WDR88: variants seen among roughly 807,000 people sequenced by gnomAD.
The protein encoded by WDR88 is WD repeat domain 88, also known as WD repeat-containing protein 88.
Under a neutral mutation model 46.8 loss-of-function variants are expected in WDR88, and 40 were observed. The observed-to-expected ratio is 0.86, with a 90% CI of 0.66 to 1.11. The LOEUF (loss-of-function observed/expected upper bound fraction) is 1.11, where lower values mean the gene tolerates loss of function less well. Among genes scored for constraint, WDR88 ranks in the 50% most tolerant of loss-of-function variants. The probability of loss-of-function intolerance (pLI) is 0.00; values close to 1 mark genes in which losing one functional copy is unlikely to be tolerated. For synonymous variants in WDR88, 235 were observed against 240.7 expected, an observed-to-expected ratio of 0.98 and a Z score of 0.22; for missense variants, 562 against 602.4, an observed-to-expected ratio of 0.93 and a Z score of 0.70.
rs200509982 is a variant in WDR88, at chr19:33,166,224, G to A, written c.1149+1959G>A. Among the ~76,000 whole-genome samples, 4 of 143,266 alleles carry A rather than the reference G, an allele frequency of 2.8e-5. No individual in the cohort carries two copies. The East Asian group carries it at 8.7e-4, about 31-fold the overall frequency. The allele number at this position is 143,266 out of a possible 152,430, so 94.0% of individuals were successfully genotyped here. On this transcript the variant is annotated intron_variant, in intron 9 of 10. Coordinates refer to ENST00000355868, the MANE Select transcript of WDR88 (RefSeq NM_173479.4). The stretch of plus-strand genomic sequence containing the variant: ...GCCTGGGAGGTCGAGGCTGCAGTGA[G>A]TCATGATGGCATCACTGCACTCCAG...
chr19:33,163,115 C>T (rs1304426700), intron 8 of WDR88, among the ~76,000 whole-genome samples: 2 of 152,062 alleles, frequency 1.3e-5, no homozygotes, highest in East Asian at 1.9e-4. Flanking sequence ...AGGCAGATCA[C>T]GAAGTCAGAA....
chr19:33,157,980 C>T (rs1973794388), intron 7 of WDR88, among the ~76,000 whole-genome samples: 1 of 151,816 alleles, frequency 6.6e-6, no homozygotes, highest in African/African-American at 2.4e-5. Context: ...GGGTCAGAAC[C>T]CCCTGATGCA....
intron 6 of WDR88, 110 bp from the exon 7 acceptor site, chr19:33,156,245 G>T (rs1325038652): frequency 4.4e-6 from 5 of 1,147,674 alleles, no homozygotes; most frequent in Non-Finnish European, 5.0e-6. Flanking sequence ...GTGCTAGCAT[G>T]TGCAGCCCGA....
intron 10 of WDR88, chr19:33,174,809 ATGGCAGGAGACATGAGC>A (rs552053116): frequency 0.016 from 15,575 of 985,210 alleles, 211 homozygotes; most frequent in African/African-American, 0.019. Context: ...CAGGACCCCC[ATGGCAGGAGACATGAGC>A]TGGCAGGAGA....
At chr19:33,137,288 C>G (rs1476015005) in intron 1 of WDR88, among the ~76,000 whole-genome samples, 1 of 146,288 alleles carries the variant, frequency 6.8e-6, no homozygotes, top group Non-Finnish European at 1.5e-5. Context: ...GAATCTCACT[C>G]TGTCACCCAG....
In WDR88 at chr19:33,154,165, G is replaced by GTTTA. The variant is rs200734545; in HGVS notation, c.810-2172_810-2169dup. Among the ~76,000 whole-genome samples, 1,076 of 151,992 alleles carry GTTTA rather than the reference G, an allele frequency of 7.1e-3. 10 individuals are homozygous for GTTTA. The highest frequency in any genetic ancestry group is 0.024 in the African/African-American group (995 of 41,458). On this transcript the variant is annotated intron_variant, in intron 6 of 10. Transcript: ENST00000355868. ...ATGAGAGTCCATAGAGATACCTCTGGTTTATTTATTTATTTATTTATGTAT... is the reference window on the plus strand; with the variant it reads ...ATGAGAGTCCATAGAGATACCTCTGGTTTATTTATTTATTTATTTATTTATGTAT...
At chr19:33,135,280 T>C (rs986262421) in intron 1 of WDR88, among the ~76,000 whole-genome samples, 25 of 152,204 alleles carry the variant, frequency 1.6e-4, no homozygotes, top group African/African-American at 6.0e-4. Flanking sequence ...TTTATAGCGA[T>C]AGAATCAAGC....
In WDR88 at chr19:33,156,458, G is replaced by C. The variant is rs201210259; in HGVS notation, c.913G>C (p.Gly305Arg). The part of the protein sequence containing the change: ...KNLKIWNVHT[G>R]EFRNCGACVT... The stretch of plus-strand genomic sequence containing the variant: ...CTTAAAAATATGGAACGTCCACACA[G>C]GGGAGTTTCGAAACTGTGGAGCCTG... Residue 305 changes from glycine (G) to arginine (R), a missense_variant, in exon 7 of 11, where the codon GGG (glycine) becomes CGG (arginine). Physicochemically the swap from Gly to Arg is moderately radical, Grantham distance 125. Transcript: ENST00000355868. 99 of 1,614,160 alleles carry C rather than the reference G, an allele frequency of 6.1e-5. No individual in the cohort carries two copies. The highest frequency in any genetic ancestry group is 8.3e-5 in the Non-Finnish European group (98 of 1,180,014).
At chr19:33,162,382 A>G (rs1025058654) in intron 8 of WDR88, among the ~76,000 whole-genome samples, 1 of 150,548 alleles carries the variant, frequency 6.6e-6, no homozygotes, top group African/African-American at 2.4e-5. Flanking sequence ...TTTTTTTTAA[A>G]TTTTTATTTT....
At chr19:33,156,719 G>C (rs980633519) in intron 7 of WDR88, among the ~76,000 whole-genome samples, 177 bp downstream of exon 7, 2 of 152,138 alleles carry the variant, frequency 1.3e-5, no homozygotes, top group Admixed American at 1.3e-4. Flanking sequence ...GTTTACAGTG[G>C]TAGAAACTCA....
intron 2 of WDR88, among the ~76,000 whole-genome samples, chr19:33,141,696 T>C (rs1393183066): frequency 6.6e-6 from 1 of 152,212 alleles, no homozygotes; most frequent in Non-Finnish European, 1.5e-5. Context: ...GTTTGTTTTT[T>C]TGAGATGGCG....
chr19:33,159,148 T>G (rs1384714023), intron 7 of WDR88, among the ~76,000 whole-genome samples: 1 of 150,584 alleles, frequency 6.6e-6, no homozygotes, highest in Non-Finnish European at 1.5e-5. Context: ...CTGGGCAACA[T>G]AGTGAGACCC....
chr19:33,152,767 A>G (rs8113390), intron 6 of WDR88, among the ~76,000 whole-genome samples: 19,488 of 151,872 alleles, frequency 0.13, 2,812 homozygotes, highest in African/African-American at 0.36. Context: ...ACACCTGGCT[A>G]ATTTCTGTAT....
chr19:33,173,002 G>A (rs987051207), intron 10 of WDR88, among the ~76,000 whole-genome samples: 2 of 139,956 alleles, frequency 1.4e-5, no homozygotes, highest in African/African-American at 5.3e-5. Context: ...TAAGGCAGGA[G>A]AATCCCTTGA....
At chr19:33,160,332 G>T in intron 7 of WDR88, 82 bp from the exon 8 acceptor site, 1 of 1,425,886 alleles carries the variant, frequency 7.0e-7, no homozygotes, top group Non-Finnish European at 9.9e-7. Context: ...GTGGTGCCTC[G>T]CCAAGGCATC....
At chr19:33,173,837 C>G (rs1974080156) in intron 10 of WDR88, among the ~76,000 whole-genome samples, 1 of 152,076 alleles carries the variant, frequency 6.6e-6, no homozygotes, top group African/African-American at 2.4e-5. Context: ...GGTAAAGGAT[C>G]AAATTTCCTT....
chr19:33,135,024 C>A (rs1272562403), intron 1 of WDR88, among the ~76,000 whole-genome samples: 1 of 129,610 alleles, frequency 7.7e-6, no homozygotes. Context: ...CAACCTGGGA[C>A]GTGTCGCCAT....
rs1360086914 is a variant in WDR88, at chr19:33,132,328, C to G, written c.159C>G (p.His53Gln). The G allele has an allele frequency of 1.2e-5, 19 of 1,614,012 alleles. No homozygotes were observed. Among genetic ancestry groups the G allele is most frequent in the Non-Finnish European group, 1.5e-5 (18 of 1,180,028 alleles). Residue 53 changes from histidine (H) to glutamine (Q), a missense_variant, in exon 1 of 11, where the codon CAC (histidine) becomes CAG (glutamine). By Grantham distance (24) the His-to-Gln change is conservative. Coordinates refer to ENST00000355868, the MANE Select transcript of WDR88 (RefSeq NM_173479.4). The part of the protein sequence containing the change: ...GRFKLSIPHT[H>Q]LLATLDPLAL... ...TCAAGCTGTCGATCCCGCACACGCA[C>G]CTGCTGGCCACCCTCGACCCCCTGG...
At chr19:33,143,391 C>A (rs1030349899) in intron 2 of WDR88, among the ~76,000 whole-genome samples, 9 of 145,312 alleles carry the variant, frequency 6.2e-5, no homozygotes, top group Non-Finnish European at 1.0e-4. Flanking sequence ...CGCCTGTAAT[C>A]CCAGCACTTT....
Sources: gnomAD v4.1 joint callset for allele counts (sites outside exome capture counted in the v4.1 genomes callset) on GRCh38, gnomAD v4.1.1 for gene constraint, MANE v1.5 for transcripts, NCBI Gene and HGNC (gene_info 2026-07-23, HGNC 2026-07-21) for gene names.